Variants in SLC25A13 observed in about 807,000 individuals in gnomAD.
The protein encoded by SLC25A13 is solute carrier family 25 member 13, also known as electrogenic aspartate/glutamate antiporter SLC25A13, mitochondrial.
SLC25A13 carries 70 observed loss-of-function variants against 85.5 expected under a neutral mutation model. That is an observed-to-expected ratio of 0.82 (90% CI 0.68 to 1.00). SLC25A13 has a LOEUF of 1.00. SLC25A13 is among the 50% of genes least tolerant of loss of function. The pLI is 0.00. For missense variants in SLC25A13, 765 were observed against 819.8 expected (o/e 0.93, Z 0.82); for synonymous variants, 259 against 288.7 (o/e 0.90, Z 1.04).
chr7:96,303,728 C>G (rs1799638168), intron 1 of SLC25A13, among the ~76,000 whole-genome samples: 1 of 152,050 alleles, frequency 6.6e-6, no homozygotes, highest in African/African-American at 2.4e-5. Context: ...CTGTGGCAAC[C>G]TCCTGCCCTC....
chr7:96,163,555 A>T (rs908957277), intron 13 of SLC25A13, among the ~76,000 whole-genome samples: 14 of 152,362 alleles, frequency 9.2e-5, no homozygotes, highest in Non-Finnish European at 1.9e-4. Context: ...ATTATTTGTT[A>T]TGCAGCAATA....
chr7:96,120,796 A>C lies in SLC25A13; in HGVS notation c.*395T>G. ...ATAAATATGCACCTAGTTTCCTACC[A>C]GTTTAAAACACACACGAAACACTGC... is the stretch of plus-strand genomic sequence containing the variant. On this transcript the variant is annotated 3_prime_UTR_variant, in exon 18 of 18. Coordinates refer to ENST00000265631, the MANE Select transcript of SLC25A13 (RefSeq NM_014251.3). 1 of 459,484 alleles carries C rather than the reference A, an allele frequency of 2.2e-6. No individual in the cohort carries two copies. The highest frequency in any genetic ancestry group is 4.3e-6 in the Non-Finnish European group (1 of 230,322). 28.5% of individuals were successfully genotyped at this position (459,484 alleles called of 1,614,324 possible).
chr7:96,229,732 G>C (rs568135492), intron 4 of SLC25A13, among the ~76,000 whole-genome samples: 3 of 152,010 alleles, frequency 2.0e-5, no homozygotes, highest in Admixed American at 6.5e-5. Context: ...CACTCACAGC[G>C]AAAGTCTGCA....
chr7:96,185,259 T>C (rs1794587294), intron 9 of SLC25A13, among the ~76,000 whole-genome samples: 1 of 152,196 alleles, frequency 6.6e-6, no homozygotes, highest in African/African-American at 2.4e-5. Flanking sequence ...AAAATGATGT[T>C]ATAAGCCTAT....
At chr7:96,185,110 G>A in intron 9 of SLC25A13, 99 bp from the exon 10 acceptor site, 1 of 853,808 alleles carries the variant, frequency 1.2e-6, no homozygotes, top group Non-Finnish European at 1.8e-6. Flanking sequence ...ATTACTCATT[G>A]GGTTCTAAAT....
intron 4 of SLC25A13, among the ~76,000 whole-genome samples, chr7:96,220,802 C>T (rs1336546592): frequency 1.3e-5 from 2 of 152,084 alleles, no homozygotes; most frequent in African/African-American, 4.8e-5. Flanking sequence ...CACACAAACA[C>T]ACAGGTGCAC....
intron 9 of SLC25A13, among the ~76,000 whole-genome samples, chr7:96,186,755 T>C (rs990577756): frequency 1.3e-5 from 2 of 152,218 alleles, no homozygotes; most frequent in Non-Finnish European, 2.9e-5. Flanking sequence ...ATTTGTCATA[T>C]GATTCTTTGT....
intron 3 of SLC25A13, among the ~76,000 whole-genome samples, chr7:96,258,352 T>G (rs1174141428): frequency 6.6e-6 from 1 of 152,216 alleles, no homozygotes; most frequent in Non-Finnish European, 1.5e-5. Flanking sequence ...CTTAAGCTGA[T>G]AAGCAACTTC....
chr7:96,273,278 A>G (rs1170107839), intron 3 of SLC25A13, among the ~76,000 whole-genome samples: 4 of 152,244 alleles, frequency 2.6e-5, no homozygotes, highest in Admixed American at 2.6e-4. Context: ...TTTTAGAGTA[A>G]AAGAGACATA....
At chr7:96,239,970 C>T (rs1052042469) in intron 3 of SLC25A13, among the ~76,000 whole-genome samples, 2 of 152,134 alleles carry the variant, frequency 1.3e-5, no homozygotes, top group Non-Finnish European at 2.9e-5. Flanking sequence ...CATCTGTATG[C>T]TATGCTTACA....
At chr7:96,205,129 C>T (rs1379649820) in intron 5 of SLC25A13, among the ~76,000 whole-genome samples, 1 of 152,076 alleles carries the variant, frequency 6.6e-6, no homozygotes, top group African/African-American at 2.4e-5. Context: ...AGGATGGTCT[C>T]GAACTCCTGA....
At chr7:96,253,473 G>A (rs373583383) in intron 3 of SLC25A13, among the ~76,000 whole-genome samples, 1 of 152,164 alleles carries the variant, frequency 6.6e-6, no homozygotes, top group East Asian at 1.9e-4. Context: ...GCTCACATGG[G>A]ATAGGTCACT....
intron 4 of SLC25A13, among the ~76,000 whole-genome samples, chr7:96,233,201 T>A: frequency 6.6e-6 from 1 of 152,214 alleles, no homozygotes; most frequent in East Asian, 1.9e-4. Context: ...AGAACACACC[T>A]ATGCTGAACA....
chr7:96,284,830 T>A (rs557419416), intron 2 of SLC25A13, among the ~76,000 whole-genome samples: 4 of 152,238 alleles, frequency 2.6e-5, no homozygotes, highest in Admixed American at 6.5e-5. Flanking sequence ...CATGTGGAAC[T>A]GTGAGTCAAT....
intron 14 of SLC25A13, among the ~76,000 whole-genome samples, chr7:96,140,502 T>C (rs1455143608): frequency 6.7e-6 from 1 of 149,810 alleles, no homozygotes; most frequent in East Asian, 2.0e-4. Flanking sequence ...CCTCCCGGGT[T>C]CAAGTGATTC....
In SLC25A13 at chr7:96,172,556, C is replaced by CA. The variant is rs977929977; in HGVS notation, c.1178-1033dup. Among the ~76,000 whole-genome samples the CA allele has an allele frequency of 4.7e-3, 633 of 135,324 alleles. 2 individuals carry two copies. The highest frequency in any genetic ancestry group is 0.014 in the African/African-American group (513 of 36,750). The allele number at this position is 135,324 out of a possible 152,430, so 88.8% of individuals were successfully genotyped here. On this transcript the variant is annotated intron_variant, in intron 11 of 17. Transcript: ENST00000265631. ...CCGGCAATGGAGCGAGACTCTGCCT[C>CA]AAAAAAAAAAAAAGATCAATGAACA...
intron 13 of SLC25A13, among the ~76,000 whole-genome samples, chr7:96,161,023 T>C (rs1253591435): frequency 1.3e-5 from 2 of 151,234 alleles, no homozygotes; most frequent in Non-Finnish European, 2.9e-5. Flanking sequence ...TTTTTAAAGC[T>C]CCTCTTTTCT....
chr7:96,255,630 T>C (rs1243659746), intron 3 of SLC25A13, among the ~76,000 whole-genome samples: 1 of 152,122 alleles, frequency 6.6e-6, no homozygotes. Context: ...GAGGCTGCAT[T>C]GAGCCATGAT....
chr7:96,306,850 C>T (rs529202788), intron 1 of SLC25A13: 4 of 1,390,936 alleles, frequency 2.9e-6, no homozygotes, highest in African/African-American at 2.8e-5. Flanking sequence ...AAAAGGCAAA[C>T]GAGAAGAAGG....
Sources: allele counts gnomAD v4.1 joint callset (sites outside exome capture counted in the v4.1 genomes callset), GRCh38; gene constraint gnomAD v4.1.1; transcripts MANE v1.5; gene names NCBI Gene and HGNC (gene_info 2026-07-23, HGNC 2026-07-21).